ZFHX3: variants seen among roughly 807,000 people sequenced by gnomAD.
ZFHX3 encodes the protein zinc finger homeobox 3, also known as zinc finger homeobox protein 3.
A neutral mutation model predicts 279.1 loss-of-function variants in ZFHX3; 42 were observed. The observed-to-expected ratio is 0.15, with a 90% CI of 0.12 to 0.19. The LOEUF (loss-of-function observed/expected upper bound fraction) is 0.19. Ranked by LOEUF, ZFHX3 falls within the 10% of genes least tolerant of loss-of-function variation. The pLI is 1.00. For missense variants in ZFHX3, 4,981 were observed against 4,754.0 expected (o/e 1.05, Z -1.40); for synonymous variants, 2,293 against 1,957.8 (o/e 1.17, Z -4.52).
At position 73,145,035 on chromosome 16, in the gene ZFHX3, G is replaced by T. The variant is rs541800174; in HGVS notation, c.-1103-1204C>A. On this transcript the variant is annotated intron_variant, in intron 5 of 17. Coordinates refer to the ZFHX3 transcript ENST00000641206. ...GACACGTCTTTTCCATTAAGGAGCA[G>T]AACTGTCTGGTGACAACGGCTATCC... Among the ~76,000 whole-genome samples, 13 of 152,322 alleles carry T rather than the reference G, an allele frequency of 8.5e-5. No homozygotes were observed. The South Asian group carries it at 2.7e-3, about 32-fold the overall frequency.
chr16:73,295,333 A>G (rs911306007), intron 4 of ZFHX3, among the ~76,000 whole-genome samples: 5 of 152,218 alleles, frequency 3.3e-5, no homozygotes, highest in East Asian at 1.9e-4. Flanking sequence ...CCCTCTTCCA[A>G]TGTCCTGTTT....
intron 2 of ZFHX3, among the ~76,000 whole-genome samples, chr16:73,626,919 C>T (rs2052422264): frequency 6.6e-6 from 1 of 152,172 alleles, no homozygotes; most frequent in Non-Finnish European, 1.5e-5. Context: ...TTGTGCCAGA[C>T]TCTCTGCTTA....
At chr16:73,457,342 G>A (rs936104288) in intron 2 of ZFHX3, among the ~76,000 whole-genome samples, 12 of 152,154 alleles carry the variant, frequency 7.9e-5, no homozygotes, top group Non-Finnish European at 1.5e-5. Flanking sequence ...TTCCCCCATC[G>A]GTGGCAGCCC....
Position 72,958,185 on chromosome 16 carries a change from G to C in ZFHX3, c.1961C>G (p.Ser654Trp). The change falls in exon 2 of 10, where the codon TCG becomes TGG. Residue 654 changes from serine to tryptophan, a missense_variant. Transcript: ENST00000268489. ...CATCATGGTCATGTGGCCGCCCAGCGAGCGGGAGGAGCCCAGGACCGTGTC... is the reference window on the plus strand; with the variant it reads ...CATCATGGTCATGTGGCCGCCCAGCCAGCGGGAGGAGCCCAGGACCGTGTC... Reference protein sequence around the residue: ...KCDTVLGSSRSLGGHMTMMHS... With the variant: ...KCDTVLGSSRWLGGHMTMMHS... 1 of 1,613,398 alleles carries C rather than the reference G, an allele frequency of 6.2e-7. No homozygotes were observed. The highest frequency in any genetic ancestry group is 8.5e-7 in the Non-Finnish European group (1 of 1,179,358).
At chr16:73,356,625 T>C (rs925925971) in intron 3 of ZFHX3, among the ~76,000 whole-genome samples, 1 of 152,062 alleles carries the variant, frequency 6.6e-6, no homozygotes, top group Non-Finnish European at 1.5e-5. Context: ...ACAATGGCAA[T>C]GCTAACAAGT....
chr16:72,792,998 G>A (rs1177444110), intron 9 of ZFHX3, among the ~76,000 whole-genome samples: 1 of 152,216 alleles, frequency 6.6e-6, no homozygotes, highest in Non-Finnish European at 1.5e-5. Flanking sequence ...AGTATGCCAG[G>A]ACCCTCAAGT....
At chr16:73,435,654 C>T (rs764553672) in intron 3 of ZFHX3, among the ~76,000 whole-genome samples, 11 of 152,180 alleles carry the variant, frequency 7.2e-5, no homozygotes, top group Non-Finnish European at 1.3e-4. Flanking sequence ...CAAAACTGCC[C>T]GGGATGAGCA....
intron 1 of ZFHX3, among the ~76,000 whole-genome samples, chr16:73,884,419 A>G (rs554070968): frequency 1.3e-5 from 2 of 152,344 alleles, no homozygotes; most frequent in East Asian, 1.9e-4. Context: ...AAGACAACAT[A>G]TCAAATACCC....
At chr16:73,474,093 C>A (rs945302953) in intron 2 of ZFHX3, among the ~76,000 whole-genome samples, 2 of 152,064 alleles carry the variant, frequency 1.3e-5, no homozygotes, top group Admixed American at 6.5e-5. Context: ...GAAACCACAC[C>A]AAAGGAAATT....
chr16:73,691,523 C>T (rs8046632), intron 1 of ZFHX3, among the ~76,000 whole-genome samples: 5,224 of 152,168 alleles, frequency 0.034, 253 homozygotes, highest in African/African-American at 0.1. Context: ...GGAGAACTTC[C>T]GTATTCAAAA....
At chr16:73,082,769 T>G (rs980792178) in intron 8 of ZFHX3, among the ~76,000 whole-genome samples, 3 of 152,120 alleles carry the variant, frequency 2.0e-5, no homozygotes, top group Admixed American at 2.0e-4. Flanking sequence ...ATAAAAGCAG[T>G]CTTTGAAATG....
chr16:73,047,543 G>A (rs559875091), intron 1 of ZFHX3, among the ~76,000 whole-genome samples: 14 of 152,294 alleles, frequency 9.2e-5, no homozygotes, highest in African/African-American at 3.4e-4. Context: ...GGAAGGGAAG[G>A]AAGGAGGAAG....
At chr16:73,119,571 G>A (rs932764485) in intron 7 of ZFHX3, among the ~76,000 whole-genome samples, 1 of 152,206 alleles carries the variant, frequency 6.6e-6, no homozygotes, top group Admixed American at 6.5e-5. Context: ...CCAACCAGCC[G>A]TGTGGCCTGC....
chr16:72,955,280 AAGAGCTCC>A (rs1239145905), intron 2 of ZFHX3, among the ~76,000 whole-genome samples: 2 of 152,190 alleles, frequency 1.3e-5, no homozygotes, highest in African/African-American at 4.8e-5. Flanking sequence ...CTTTGGGAGG[AAGAGCTCC>A]AGTCTAAGAA....
At chr16:73,472,817 T>C (rs991589997) in intron 2 of ZFHX3, among the ~76,000 whole-genome samples, 1 of 152,118 alleles carries the variant, frequency 6.6e-6, no homozygotes, top group South Asian at 2.1e-4. Flanking sequence ...ACACCACCTC[T>C]CTCCCTCAGC....
chr16:73,334,810 CTTTTTTTT>C (rs368597124), intron 3 of ZFHX3, among the ~76,000 whole-genome samples: 279 of 57,916 alleles, frequency 4.8e-3, no homozygotes, highest in Middle Eastern at 0.019. Context: ...CTTTCTCATT[CTTTTTTTT>C]TTTTTTTTTT....
intron 1 of ZFHX3, among the ~76,000 whole-genome samples, chr16:73,709,781 C>G (rs2053340163): frequency 6.6e-6 from 1 of 151,924 alleles, no homozygotes; most frequent in Admixed American, 6.6e-5. Flanking sequence ...TGTTCTCACC[C>G]CACACGAAAA....
chr16:73,788,172 A>G (rs1384749838), intron 1 of ZFHX3, among the ~76,000 whole-genome samples: 1 of 152,318 alleles, frequency 6.6e-6, no homozygotes, highest in East Asian at 1.9e-4. Flanking sequence ...GTAGAGAAAG[A>G]CAACCAATTC....
chr16:73,230,423 G>T (rs777315428), intron 5 of ZFHX3, among the ~76,000 whole-genome samples: 5 of 152,182 alleles, frequency 3.3e-5, no homozygotes, highest in Non-Finnish European at 7.3e-5. Flanking sequence ...TTCATAATAA[G>T]TGTCTCAATG....
Sources: allele counts gnomAD v4.1 joint callset (sites outside exome capture counted in the v4.1 genomes callset), GRCh38; gene constraint gnomAD v4.1.1; transcripts MANE v1.5; gene names NCBI Gene and HGNC (gene_info 2026-07-23, HGNC 2026-07-21).